Variants in ST6GALNAC5 observed in about 807,000 individuals in gnomAD.
ST6GALNAC5 encodes ST6 N-acetylgalactosaminide alpha-2,6-sialyltransferase 5.
A neutral mutation model predicts 33.6 loss-of-function variants in ST6GALNAC5; 27 were observed. The ratio of observed to expected loss-of-function variants is 0.80; its 90% CI spans 0.59 to 1.11. The LOEUF (loss-of-function observed/expected upper bound fraction) is 1.11. Ranked by LOEUF, ST6GALNAC5 falls within the 50% of genes least tolerant of loss-of-function variation. ST6GALNAC5 has a pLI of 0.00. For synonymous variants in ST6GALNAC5, 194 were observed against 171.2 expected (o/e 1.13, Z -1.04); for missense variants, 428 against 454.0 (o/e 0.94, Z 0.52).
At chr1:77,008,360 G>A (rs115566441) in intron 2 of ST6GALNAC5, among the ~76,000 whole-genome samples, 51 of 152,214 alleles carry the variant, frequency 3.4e-4, no homozygotes, top group African/African-American at 1.2e-3. Context: ...TACTAGCTTG[G>A]ACCTTGGGCA....
intron 2 of ST6GALNAC5, among the ~76,000 whole-genome samples, chr1:76,917,053 T>A (rs1354342457): frequency 2.0e-5 from 3 of 152,148 alleles, no homozygotes; most frequent in African/African-American, 7.2e-5. Context: ...TCAGGGTGAA[T>A]GAAAAGTCAG....
intron 2 of ST6GALNAC5, among the ~76,000 whole-genome samples, chr1:76,900,603 A>G (rs1341945218): frequency 6.6e-6 from 1 of 152,214 alleles, no homozygotes; most frequent in Non-Finnish European, 1.5e-5. Context: ...TTCCTTTGAT[A>G]CCTAGTCAAA....
chr1:77,003,677 G>A (rs923274295), intron 2 of ST6GALNAC5, among the ~76,000 whole-genome samples: 2 of 152,018 alleles, frequency 1.3e-5, no homozygotes, highest in Non-Finnish European at 2.9e-5. Flanking sequence ...GCTCTTGTAA[G>A]GCAGGCCTGG....
rs1305782153 is a variant in ST6GALNAC5, at chr1:76,868,322, C to A, written c.16-175C>A. On this transcript the variant is annotated intron_variant, in intron 1 of 4. Coordinates refer to ENST00000477717, the MANE Select transcript of ST6GALNAC5 (RefSeq NM_030965.3). The surrounding 1 kb of genome is among the most constrained non-coding windows in gnomAD (Gnocchi z 4.3). The stretch of plus-strand genomic sequence containing the variant: ...AGCGACGCGCCCGGAGCATCCCTTG[C>A]GATACGCTAGGGGACGGTGCTTTCT... Among the ~76,000 whole-genome samples the A allele has an allele frequency of 6.6e-6, 1 of 152,034 alleles. No homozygotes were observed. Among genetic ancestry groups the A allele is most frequent in the African/African-American group, 2.4e-5 (1 of 41,404 alleles).
At chr1:77,036,544 G>A (rs902268482) in intron 2 of ST6GALNAC5, among the ~76,000 whole-genome samples, 21 of 152,338 alleles carry the variant, frequency 1.4e-4, no homozygotes, top group African/African-American at 5.0e-4. Context: ...TATGACATAT[G>A]CAGATTCCAA....
intron 4 of ST6GALNAC5, among the ~76,000 whole-genome samples, chr1:77,056,133 G>A (rs924053833): frequency 1.3e-5 from 2 of 152,118 alleles, no homozygotes; most frequent in Non-Finnish European, 2.9e-5. Flanking sequence ...GAGAAAGCTG[G>A]AGAAAATTAA....
chr1:76,954,708 G>A (rs1372935763), intron 2 of ST6GALNAC5, among the ~76,000 whole-genome samples: 1 of 152,146 alleles, frequency 6.6e-6, no homozygotes, highest in African/African-American at 2.4e-5. Context: ...GGAATGGGAT[G>A]TAATTCATGC....
chr1:76,868,558 A>G lies in ST6GALNAC5; in HGVS notation c.77A>G (p.Tyr26Cys). The change falls in exon 2 of 5, where the codon TAC becomes TGC. Residue 26 changes from tyrosine to cysteine, a missense_variant. Physicochemically the swap from Tyr to Cys is radical, Grantham distance 194 (BLOSUM62 -2). Transcript: ENST00000477717. The surrounding 1 kb of genome is among the most constrained non-coding windows in gnomAD (Gnocchi z 4.3). ...TTMCTSLLLV[Y>C]SSLGGQKERP... ...ATGTGCACCAGCTTGTTGCTAGTGT[A>G]CAGCAGCCTCGGCGGCCAGAAGGAG... The G allele has an allele frequency of 6.2e-7, 1 of 1,613,338 alleles. No homozygotes were observed. The highest frequency in any genetic ancestry group is 8.5e-7 in the Non-Finnish European group (1 of 1,179,606).
chr1:76,873,480 G>A (rs1653556543), intron 2 of ST6GALNAC5, among the ~76,000 whole-genome samples: 1 of 152,150 alleles, frequency 6.6e-6, no homozygotes, highest in Non-Finnish European at 1.5e-5. Flanking sequence ...AATTTAATGG[G>A]TACACAATAA....
chr1:76,978,961 T>C (rs1240661821), intron 2 of ST6GALNAC5, among the ~76,000 whole-genome samples: 1 of 152,130 alleles, frequency 6.6e-6, no homozygotes, highest in East Asian at 1.9e-4. Flanking sequence ...TAAAAATTAG[T>C]AGTATTTCTA....
chr1:76,995,063 T>A (rs936199877), intron 2 of ST6GALNAC5, among the ~76,000 whole-genome samples: 3 of 152,166 alleles, frequency 2.0e-5, no homozygotes, highest in Admixed American at 6.6e-5. Context: ...GAGCAGCAGA[T>A]TAAGTAGTCA....
At chr1:76,999,485 GTT>G (rs1422364823) in intron 2 of ST6GALNAC5, among the ~76,000 whole-genome samples, 1 of 138,734 alleles carries the variant, frequency 7.2e-6, no homozygotes. Flanking sequence ...GTTTGGGTTT[GTT>G]TTTTTTTTTT....
intron 4 of ST6GALNAC5, among the ~76,000 whole-genome samples, chr1:77,052,820 G>A (rs1227932060): frequency 6.7e-6 from 1 of 150,218 alleles, no homozygotes; most frequent in Non-Finnish European, 1.5e-5. Flanking sequence ...TCGGGTGGCT[G>A]AGCATGAGAA....
intron 2 of ST6GALNAC5, among the ~76,000 whole-genome samples, chr1:76,915,026 G>T (rs1646955212): frequency 1.3e-5 from 2 of 151,700 alleles, no homozygotes; most frequent in African/African-American, 4.8e-5. Context: ...CAAAAAGTGG[G>T]CAAAGGATAT....
At chr1:76,872,677 T>C (rs1653537610) in intron 2 of ST6GALNAC5, among the ~76,000 whole-genome samples, 1 of 152,216 alleles carries the variant, frequency 6.6e-6, no homozygotes, top group African/African-American at 2.4e-5. Context: ...GAAAAGTATA[T>C]AAATTATCAA....
chr1:76,948,587 C>CAGAGAGAGAGAGAGAGAGAGAG (rs60959607), intron 2 of ST6GALNAC5, among the ~76,000 whole-genome samples: 5 of 129,732 alleles, frequency 3.9e-5, no homozygotes, highest in African/African-American at 1.1e-4. Flanking sequence ...GGAGTGGGGA[C>CAGAGAGAGAGAGAGAGAGAGAG]AGAGAGAGAG....
intron 2 of ST6GALNAC5, among the ~76,000 whole-genome samples, chr1:76,974,094 T>C (rs530898835): frequency 1.6e-4 from 24 of 152,252 alleles, no homozygotes; most frequent in African/African-American, 5.8e-4. Flanking sequence ...CTGGTGTTTC[T>C]ATTAGATTCA....
chr1:76,901,329 A>G (rs1646815562), intron 2 of ST6GALNAC5, among the ~76,000 whole-genome samples: 1 of 152,130 alleles, frequency 6.6e-6, no homozygotes, highest in African/African-American at 2.4e-5. Context: ...TTGCAAAGGG[A>G]GCATGGTTAC....
chr1:77,018,464 T>C (rs566268638), intron 2 of ST6GALNAC5, among the ~76,000 whole-genome samples: 81 of 152,276 alleles, frequency 5.3e-4, no homozygotes, highest in African/African-American at 1.9e-3. Context: ...ATCTTGCAGA[T>C]AGGAGAACTG....
Sources: allele counts gnomAD v4.1 joint callset (sites outside exome capture counted in the v4.1 genomes callset), GRCh38; gene constraint gnomAD v4.1.1; non-coding constraint Gnocchi (gnomAD v3.1); transcripts MANE v1.5; gene names NCBI Gene and HGNC (gene_info 2026-07-23, HGNC 2026-07-21).